KIAA1755: variants seen among roughly 807,000 people sequenced by gnomAD.
KIAA1755 encodes the protein KIAA1755.
A neutral mutation model predicts 91.7 loss-of-function variants in KIAA1755; 68 were observed. The observed-to-expected ratio is 0.74, with a 90% CI of 0.61 to 0.91. KIAA1755 has a LOEUF of 0.91. Among genes scored for constraint, KIAA1755 ranks in the 40% least tolerant of loss-of-function variants. The probability of loss-of-function intolerance (pLI) is 0.00; values close to 1 mark genes in which losing one functional copy is unlikely to be tolerated. For synonymous variants in KIAA1755, 610 were observed against 604.6 expected (o/e 1.01, Z -0.13); for missense variants, 1,535 against 1,494.4 (o/e 1.03, Z -0.45).
intron 2 of KIAA1755, among the ~76,000 whole-genome samples, chr20:38,243,005 A>G (rs777232272): frequency 3.3e-5 from 5 of 152,240 alleles, no homozygotes; most frequent in Non-Finnish European, 7.3e-5. Flanking sequence ...GATCCCTCTC[A>G]GTTGAGCCTG....
rs997530692 is a variant in KIAA1755, at chr20:38,260,525, G to T, written c.-25C>A. The T allele has an allele frequency of 6.8e-7, 1 of 1,481,288 alleles. No homozygotes were observed. The highest frequency in any genetic ancestry group is 8.9e-7 in the Non-Finnish European group (1 of 1,118,588). 91.8% of individuals were successfully genotyped at this position (1,481,288 alleles called of 1,614,324 possible). A position where few individuals can be genotyped will look rare whatever the true frequency, so the allele number is the denominator to read the frequency against. ...TGGTGACGGGCTGCCAGCGGCGGGC[G>T]GCGCGGCTCCTCTCCTGGGCGCGGG... is the stretch of plus-strand genomic sequence containing the variant. On this transcript the variant is annotated 5_prime_UTR_variant, in exon 1 of 14. Transcript: ENST00000279024.
chr20:38,216,537 T>C (rs1289625204), intron 13 of KIAA1755, among the ~76,000 whole-genome samples: 1 of 152,184 alleles, frequency 6.6e-6, no homozygotes, highest in East Asian at 1.9e-4. Context: ...GCCATGGGGG[T>C]CCCTGTCCCA....
intron 2 of KIAA1755, among the ~76,000 whole-genome samples, chr20:38,243,135 C>T (rs952453419): frequency 6.6e-6 from 1 of 152,198 alleles, no homozygotes; most frequent in Non-Finnish European, 1.5e-5. Context: ...AGTCTGAGTT[C>T]TGTGGATTGA....
At chr20:38,228,536 C>T (rs2123137918) in intron 5 of KIAA1755, among the ~76,000 whole-genome samples, 1 of 152,288 alleles carries the variant, frequency 6.6e-6, no homozygotes, top group South Asian at 2.1e-4. Context: ...TCACTTGGGA[C>T]TCATCCACTT....
rs879688828 is a variant in KIAA1755 at position 38,232,740 on chromosome 20, C to T, written c.1748-1415G>A. ...TTTCCTACTATTCACTTACAAATTT[C>T]GAAAGTAAAGACATTTTGTTGGGGA... On this transcript the variant is annotated intron_variant, in intron 4 of 13. Coordinates refer to ENST00000279024, the MANE Select transcript of KIAA1755 (RefSeq NM_001029864.2). Among the ~76,000 whole-genome samples the T allele has an allele frequency of 4.6e-5, 7 of 151,900 alleles. No individual in the cohort carries two copies. The East Asian group carries it at 9.6e-4, about 21-fold the overall frequency.
At chr20:38,254,040 C>T (rs530577153) in intron 1 of KIAA1755, among the ~76,000 whole-genome samples, 8 of 152,250 alleles carry the variant, frequency 5.3e-5, no homozygotes, top group African/African-American at 1.7e-4. Context: ...CCTGCCAACA[C>T]GCCCAGCTAA....
At position 38,212,767 on chromosome 20, in the gene KIAA1755, G is replaced by T; in HGVS notation, c.*275C>A. ...CTGTGCCGACAGGTCTTTCCACAATGAGAGCCTGGAGGGATGGAGCCAATC... is the reference window on the plus strand; with the variant it reads ...CTGTGCCGACAGGTCTTTCCACAATTAGAGCCTGGAGGGATGGAGCCAATC... On this transcript the variant is annotated 3_prime_UTR_variant, in exon 14 of 14. Transcript: ENST00000279024. 1 of 360,976 alleles carries T rather than the reference G, an allele frequency of 2.8e-6. No homozygotes were observed. Among genetic ancestry groups the T allele is most frequent in the Non-Finnish European group, 5.0e-6 (1 of 199,054 alleles). 22.4% of individuals were successfully genotyped at this position (360,976 alleles called of 1,614,324 possible).
chr20:38,233,897 G>T (rs1600611562), intron 4 of KIAA1755: 7 of 152,184 alleles, frequency 4.6e-5, no homozygotes, highest in Admixed American at 3.9e-4. Flanking sequence ...ACTGTATTTG[G>T]AGATAGGGTG....
intron 13 of KIAA1755, 125 bp from the exon 14 acceptor site, chr20:38,213,868 G>A: frequency 1.6e-6 from 1 of 635,446 alleles, no homozygotes; most frequent in East Asian, 2.8e-5. Context: ...CACTGACCAT[G>A]ATGACCCTGG....
At chr20:38,226,743 A>G (rs151065688) in intron 7 of KIAA1755, among the ~76,000 whole-genome samples, 180 of 152,276 alleles carry the variant, frequency 1.2e-3, no homozygotes, top group African/African-American at 4.0e-3. Context: ...AGCAGGTGTG[A>G]CCGCAGTGTG....
intron 9 of KIAA1755, 94 bp downstream of exon 9, chr20:38,223,444 C>T: frequency 1.3e-6 from 1 of 781,554 alleles, no homozygotes; most frequent in Non-Finnish European, 1.9e-6. Flanking sequence ...TAATGTCCTC[C>T]CCCTTTTCCC....
chr20:38,213,126 A>C lies in KIAA1755; in HGVS notation c.3519T>G (p.Thr1173=), dbSNP rs748704242. The C allele has an allele frequency of 3.7e-6, 6 of 1,609,906 alleles. No homozygotes were observed. Among genetic ancestry groups the C allele is most frequent in the Non-Finnish European group, 5.1e-6 (6 of 1,177,388 alleles). ...PPRQSQVPRL[T]GGSFSSEGTD... is the part of the protein sequence containing the mutation. ...TCCCCTCTGAGGAGAAGCTGCCCCC[A>C]GTGAGGCGAGGGACCTGGCTCTGCC... Residue 1173 remains threonine, a synonymous_variant, in exon 14 of 14, where the codon ACT becomes ACG. Coordinates refer to ENST00000279024, the MANE Select transcript of KIAA1755 (RefSeq NM_001029864.2).
rs1205435 is a variant in KIAA1755, at chr20:38,241,720, T to G, written c.411A>C (p.Pro137=). 507,565 of 1,613,932 alleles carry G rather than the reference T, an allele frequency of 0.31. 81,521 individuals carry two copies. The highest frequency in any genetic ancestry group is 0.51 in the Middle Eastern group (3,114 of 6,062). Residue 137 remains proline, a synonymous_variant, in exon 3 of 14, where the codon CCA becomes CCC. Coordinates refer to ENST00000279024, the MANE Select transcript of KIAA1755 (RefSeq NM_001029864.2). ...DLCTVDKKPV[P]EPAYPILFTQ... is the part of the protein sequence containing the mutation. ...TGAAAAGTATAGGGTAGGCTGGCTC[T>G]GGAACAGGCTTCTTGTCCACTGTGC...
rs551128955 is a variant in KIAA1755 at position 38,231,094 on chromosome 20, C to T, written c.1871+108G>A. The T allele has an allele frequency of 1.5e-4, 182 of 1,237,490 alleles. No homozygotes were observed. In the East Asian group the frequency reaches 2.1e-3, roughly 15 times the overall value. 76.7% of individuals were successfully genotyped at this position (1,237,490 alleles called of 1,614,324 possible). A position where few individuals can be genotyped will look rare whatever the true frequency, so the allele number is the denominator to read the frequency against. On this transcript the variant is annotated intron_variant, in intron 5 of 13. Coordinates refer to ENST00000279024, the MANE Select transcript of KIAA1755 (RefSeq NM_001029864.2). Reference sequence around the variant, plus strand: ...TCTGGGGACTGGCTCTGTGAACAGACGACTGGATGGAAGGATATGGTGCCT... The same window carrying T: ...TCTGGGGACTGGCTCTGTGAACAGATGACTGGATGGAAGGATATGGTGCCT...
At chr20:38,223,747 A>T in intron 8 of KIAA1755, 111 bp from the exon 9 acceptor site, 1 of 720,916 alleles carries the variant, frequency 1.4e-6, no homozygotes, top group Non-Finnish European at 2.3e-6. Context: ...CTCCAACTCC[A>T]GGTGCATCAG....
In KIAA1755 at chr20:38,210,975, C is replaced by A. The variant is rs2075444957; in HGVS notation, c.*2067G>T. On this transcript the variant is annotated 3_prime_UTR_variant, in exon 14 of 14. Transcript: ENST00000279024. Reference sequence around the variant, plus strand: ...TTGGGTGGAGGACTCAGGCCCCAGCCCCGGGTGTTCCCCAAATGCACCCCC... The same window carrying A: ...TTGGGTGGAGGACTCAGGCCCCAGCACCGGGTGTTCCCCAAATGCACCCCC... 6.6e-6 allele frequency: 1 copy of A among 152,232 alleles called. No homozygotes were observed. Among genetic ancestry groups the A allele is most frequent in the Non-Finnish European group, 1.5e-5 (1 of 68,090 alleles). The allele number at this position is 152,232 out of a possible 1,614,324, so 9.4% of individuals were successfully genotyped here. A position where few individuals can be genotyped will look rare whatever the true frequency, so the allele number is the denominator to read the frequency against.
At chr20:38,228,421 G>A (rs1226082834) in intron 5 of KIAA1755, among the ~76,000 whole-genome samples, 181 bp from the exon 6 acceptor site, 1 of 152,188 alleles carries the variant, frequency 6.6e-6, no homozygotes, top group Non-Finnish European at 1.5e-5. Flanking sequence ...TCTCCAGGCA[G>A]AGCCTTTTGC....
At chr20:38,218,128 GTC>G (rs1177562695) in intron 12 of KIAA1755, 114 bp downstream of exon 12, 17 of 1,378,778 alleles carry the variant, frequency 1.2e-5, no homozygotes, top group Non-Finnish European at 1.5e-5. Flanking sequence ...TTCCCTCACT[GTC>G]TCTGGAACTT....
chr20:38,245,070 G>A (rs188625298), intron 2 of KIAA1755, among the ~76,000 whole-genome samples: 159 of 152,224 alleles, frequency 1.0e-3, no homozygotes, highest in Non-Finnish European at 2.5e-4. Flanking sequence ...GACCATAGAG[G>A]TAGACACGTG....
Sources: allele counts gnomAD v4.1 joint callset (sites outside exome capture counted in the v4.1 genomes callset), GRCh38; gene constraint gnomAD v4.1.1; transcripts MANE v1.5; gene names NCBI Gene and HGNC (gene_info 2026-07-23, HGNC 2026-07-21).